The following SBNO2 variants were observed in gnomAD, a reference collection of about 807,000 sequenced individuals.
The protein encoded by SBNO2 is strawberry notch homolog 2.
A neutral mutation model predicts 146.3 loss-of-function variants in SBNO2; 89 were observed. The observed-to-expected ratio is 0.61, with a 90% CI of 0.51 to 0.73. SBNO2 has a LOEUF of 0.73. Among genes scored for constraint, SBNO2 ranks in the 30% least tolerant of loss-of-function variants. SBNO2 has a pLI of 0.00. For synonymous variants in SBNO2, 1,147 were observed against 892.6 expected (o/e 1.29, Z -5.08); for missense variants, 2,092 against 2,003.7 (o/e 1.04, Z -0.84).
intron 4 of SBNO2, among the ~76,000 whole-genome samples, chr19:1,134,293 ACAGCTCACAG>A (rs1448147299): frequency 7.1e-6 from 1 of 140,446 alleles, no homozygotes; most frequent in Non-Finnish European, 1.5e-5. Context: ...GGGTGGACTC[ACAGCTCACAG>A]GACCTACAGC....
intron 4 of SBNO2, among the ~76,000 whole-genome samples, chr19:1,128,539 C>T (rs1055386121): frequency 3.3e-5 from 5 of 151,878 alleles, no homozygotes; most frequent in African/African-American, 7.2e-5. Context: ...ATTACAGGCA[C>T]GTGCCACCAC....
intron 19 of SBNO2, among the ~76,000 whole-genome samples, chr19:1,113,195 A>G (rs1242298263): frequency 3.9e-5 from 6 of 152,012 alleles, no homozygotes; most frequent in African/African-American, 1.4e-4. Flanking sequence ...GGGGGCAGGG[A>G]GTAGGAGGCC....
At chr19:1,117,184 G>T in intron 15 of SBNO2, 139 bp downstream of exon 15, 1 of 900,806 alleles carries the variant, frequency 1.1e-6, no homozygotes, top group Non-Finnish European at 1.6e-6. Flanking sequence ...TTGGAAGACG[G>T]ACATCCGGGC....
At chr19:1,159,083 G>C (rs185520874) in intron 1 of SBNO2, among the ~76,000 whole-genome samples, 2 of 151,970 alleles carry the variant, frequency 1.3e-5, no homozygotes, top group Non-Finnish European at 2.9e-5. Context: ...CCCCACAGCC[G>C]TGACCCCACC....
At chr19:1,143,378 G>A (rs1428766164) in intron 4 of SBNO2, among the ~76,000 whole-genome samples, 1 of 152,140 alleles carries the variant, frequency 6.6e-6, no homozygotes, top group Non-Finnish European at 1.5e-5. Flanking sequence ...TGGGGAAGCT[G>A]AGGTGGGAGC....
At chr19:1,113,475 G>GCCC in intron 19 of SBNO2, 60 bp downstream of exon 19, 1 of 1,407,730 alleles carries the variant, frequency 7.1e-7, no homozygotes. Context: ...CAGCCTGCGT[G>GCCC]AAGCCCCACC....
rs1425481411 is a variant in SBNO2, at chr19:1,122,516, G to A, written c.957C>T (p.Asp319=). The change falls in exon 10 of 32, where the codon GAC becomes GAT. Residue 319 remains aspartate, a synonymous_variant. Coordinates refer to ENST00000361757, the MANE Select transcript of SBNO2 (RefSeq NM_014963.3). ...TGCCCGTGGCTTCGATGTCCCGCAG[G>A]TCGCGCTCCGCATCGTACTTGAGGT... ...SNDLKYDAER[D]LRDIEATGIA... is the part of the protein sequence containing the mutation. 5.1e-6 allele frequency: 8 copies of A among 1,565,002 alleles called. No individual in the cohort carries two copies. In the East Asian group the frequency reaches 7.1e-5, roughly 14 times the overall value.
At position 1,123,946 on chromosome 19, in the gene SBNO2, T is replaced by C; in HGVS notation, c.518A>G (p.Tyr173Cys). ...TCTCGGCTGGGCCCAGCTCACCTGG[T>C]AGCTGACGAGAAGCGGGGTGCTGTG... ...PSHSTPLLVS[Y>C]QEQSVQSQPE... The change falls in exon 6 of 32, where the codon TAC (tyrosine) becomes TGC (cysteine). Residue 173 changes from tyrosine to cysteine, a missense_variant. Transcript: ENST00000361757. 1 of 1,611,174 alleles carries C rather than the reference T, an allele frequency of 6.2e-7. No homozygotes were observed.
intron 1 of SBNO2, among the ~76,000 whole-genome samples, chr19:1,166,615 GCGCA>G (rs1420746723): frequency 0.025 from 2,443 of 98,366 alleles, 101 homozygotes; most frequent in Admixed American, 0.13. Flanking sequence ...GCAACTGCAC[GCGCA>G]CACACACACA....
At chr19:1,122,031 GCCCTCCTCTCCCCTGACTCCCAC>G in intron 11 of SBNO2, 85 bp downstream of exon 11, 6 of 704,548 alleles carry the variant, frequency 8.5e-6, no homozygotes, top group Non-Finnish European at 9.2e-6. Flanking sequence ...CTCCCATCCT[GCCCTCCTCTCCCCTGACTCCCAC>G]CCCTCCTCTC....
intron 4 of SBNO2, chr19:1,128,267 G>T: frequency 2.1e-6 from 1 of 473,406 alleles, no homozygotes; most frequent in East Asian, 6.1e-5. Flanking sequence ...CTCGGGTCTG[G>T]GGTGAGCCTG....
At position 1,157,414 on chromosome 19, in the gene SBNO2, G is replaced by A. The variant is rs565601051; in HGVS notation, c.-126-3012C>T. On this transcript the variant is annotated intron_variant, in intron 1 of 31. Coordinates refer to ENST00000361757, the MANE Select transcript of SBNO2 (RefSeq NM_014963.3). This position sits in a 1 kb window ranked among gnomAD's most constrained non-coding sequence, Gnocchi z 6.8. ...GGAGACGCTCTCCCCACGCGGCCCCGGAGACCCTCTCCCCACGCGGCCCCG... is the reference window on the plus strand; with the variant it reads ...GGAGACGCTCTCCCCACGCGGCCCCAGAGACCCTCTCCCCACGCGGCCCCG... 6.7e-6 allele frequency among the ~76,000 whole-genome samples: 1 copy of A among 149,046 alleles called. No individual in the cohort carries two copies. Among genetic ancestry groups the A allele is most frequent in the Non-Finnish European group, 1.5e-5 (1 of 66,388 alleles).
At position 1,126,914 on chromosome 19, in the gene SBNO2, G is replaced by A. The variant is rs998697077; in HGVS notation, c.441+690C>T. ...TGGGGCACGGCTAGAGGCTAGGCCCGAAGAACCTGGGGGCCCTGCTGCCCT... is the reference window on the plus strand; with the variant it reads ...TGGGGCACGGCTAGAGGCTAGGCCCAAAGAACCTGGGGGCCCTGCTGCCCT... On this transcript the variant is annotated intron_variant, in intron 5 of 31. Coordinates refer to ENST00000361757, the MANE Select transcript of SBNO2 (RefSeq NM_014963.3). This position sits in a 1 kb window ranked among gnomAD's most constrained non-coding sequence, Gnocchi z 4.4. Among the ~76,000 whole-genome samples the A allele has an allele frequency of 2.6e-5, 4 of 152,168 alleles. No individual in the cohort carries two copies. Among genetic ancestry groups the A allele is most frequent in the Admixed American group, 6.5e-5 (1 of 15,280 alleles).
Position 1,109,286 on chromosome 19 carries a change from G to A in SBNO2, c.3348+6C>T, listed in dbSNP as rs973429843. 1.1e-5 allele frequency: 17 copies of A among 1,589,194 alleles called. No individual in the cohort carries two copies. The highest frequency in any genetic ancestry group is 1.4e-5 in the Non-Finnish European group (16 of 1,168,990). On this transcript the variant is annotated splice_donor_region_variant and intron_variant, in intron 29 of 31. Transcript: ENST00000361757. The surrounding 1 kb of genome is among the most constrained non-coding windows in gnomAD (Gnocchi z 4.2). The stretch of plus-strand genomic sequence containing the variant: ...CGAGCGAAAGCTGCGCCCGGCGGCC[G>A]CCTACCCGGTGGAACTTGCGGCGGA...
chr19:1,133,220 ACGAGACCGCGGC>A (rs1354100449), intron 4 of SBNO2, among the ~76,000 whole-genome samples: 1 of 150,740 alleles, frequency 6.6e-6, no homozygotes, highest in African/African-American at 2.5e-5. Context: ...CGCATTGCCC[ACGAGACCGCGGC>A]CGAGACCGCG....
chr19:1,147,514 C>T (rs1377992855), intron 3 of SBNO2, 94 bp from the exon 4 acceptor site: 2 of 673,794 alleles, frequency 3.0e-6, no homozygotes, highest in Admixed American at 3.6e-5. Context: ...GCCAGAGGCC[C>T]CTCGAGGCCC....
intron 4 of SBNO2, among the ~76,000 whole-genome samples, chr19:1,131,788 C>T (rs950767757): frequency 6.6e-6 from 1 of 152,214 alleles, no homozygotes; most frequent in African/African-American, 2.4e-5. Context: ...TCACTGAGGG[C>T]CCCCGTCCGG....
At position 1,110,953 on chromosome 19, in the gene SBNO2, C is replaced by T; in HGVS notation, c.2885-65G>A. The T allele has an allele frequency of 1.9e-6, 3 of 1,610,742 alleles. No homozygotes were observed. The highest frequency in any genetic ancestry group is 1.1e-5 in the South Asian group (1 of 90,972). The stretch of plus-strand genomic sequence containing the variant: ...ATCCCTCTCCCTGCTTTGCTCACCA[C>T]CCGAGGCCAAGGTTGCATGAGATGA... On this transcript the variant is annotated intron_variant, in intron 25 of 31. Coordinates refer to ENST00000361757, the MANE Select transcript of SBNO2 (RefSeq NM_014963.3). The surrounding 1 kb of genome is among the most constrained non-coding windows in gnomAD (Gnocchi z 4.9).
In SBNO2 at chr19:1,158,992, T is replaced by C. The variant is rs1286614703; in HGVS notation, c.-126-4590A>G. On this transcript the variant is annotated intron_variant, in intron 1 of 31. Transcript: ENST00000361757. The surrounding 1 kb of genome is among the most constrained non-coding windows in gnomAD (Gnocchi z 9.9). ...AGCTGCAACCGCCGCCCCACGGCCG[T>C]GACCCCACCTGCACCCGCGACCCCA... 2.8e-5 allele frequency among the ~76,000 whole-genome samples: 4 copies of C among 145,132 alleles called. No homozygotes were observed. Among genetic ancestry groups the C allele is most frequent in the Non-Finnish European group, 4.5e-5 (3 of 66,934 alleles).
Sources: gnomAD v4.1 joint callset for allele counts (sites outside exome capture counted in the v4.1 genomes callset) on GRCh38, gnomAD v4.1.1 for gene constraint, Gnocchi (gnomAD v3.1) non-coding constraint, MANE v1.5 for transcripts, NCBI Gene and HGNC (gene_info 2026-07-23, HGNC 2026-07-21) for gene names.